ELP4: variants seen among roughly 807,000 people sequenced by gnomAD.
ELP4 encodes the protein elongator acetyltransferase complex subunit 4, also known as elongator complex protein 4.
Under a neutral mutation model 48.9 loss-of-function variants are expected in ELP4, and 51 were observed. The observed-to-expected ratio is 1.04, with a 90% CI of 0.83 to 1.32. The LOEUF (loss-of-function observed/expected upper bound fraction) is 1.32, where lower values mean the gene tolerates loss of function less well. ELP4 is among the 40% of genes most tolerant of loss of function. The probability of loss-of-function intolerance (pLI) is 0.00; values close to 1 mark genes in which losing one functional copy is unlikely to be tolerated. For synonymous variants in ELP4, 210 were observed against 189.2 expected (o/e 1.11, Z -0.90); for missense variants, 519 against 514.6 (o/e 1.01, Z -0.08).
At chr11:31,687,217 G>A (rs558947272) in intron 9 of ELP4, among the ~76,000 whole-genome samples, 3 of 152,282 alleles carry the variant, frequency 2.0e-5, no homozygotes, top group Admixed American at 2.0e-4. Context: ...ACATTTGGAT[G>A]TGTGAATTTG....
In ELP4 at chr11:31,786,823, G is replaced by C; in HGVS notation, c.*3299G>C. 4.6e-6 allele frequency: 1 copy of C among 217,596 alleles called. No homozygotes were observed. Among genetic ancestry groups the C allele is most frequent in the East Asian group, 6.8e-5 (1 of 14,698 alleles). 13.5% of individuals were successfully genotyped at this position (217,596 alleles called of 1,614,324 possible). On this transcript the variant is annotated 3_prime_UTR_variant, in exon 10 of 10. Coordinates refer to ENST00000640961, the MANE Select transcript of ELP4 (RefSeq NM_019040.5). ...TGCATTTTTTTACTTAGAGCAGTTT[G>C]AACGTTTATTACTTAAAACATTCAG...
rs1225136432 is a variant in ELP4, at chr11:31,784,355, TTAA to T, written c.*836_*838del. 6.6e-6 allele frequency: 1 copy of T among 152,180 alleles called. No homozygotes were observed. Among genetic ancestry groups the T allele is most frequent in the African/African-American group, 2.4e-5 (1 of 41,472 alleles). 9.4% of individuals were successfully genotyped at this position (152,180 alleles called of 1,614,324 possible). On this transcript the variant is annotated 3_prime_UTR_variant, in exon 10 of 10. Transcript: ENST00000640961. ...TCCATTGCATCACATAAATATTTTGTTAATAATGAACATTGGTTGAGTGTGTAA... is the reference window on the plus strand; with the variant it reads ...TCCATTGCATCACATAAATATTTTGTTAATGAACATTGGTTGAGTGTGTAA...
chr11:31,757,429 G>A (rs1218761318), intron 9 of ELP4, among the ~76,000 whole-genome samples: 2 of 151,670 alleles, frequency 1.3e-5, no homozygotes, highest in Non-Finnish European at 2.9e-5. Context: ...AGCAACAGTA[G>A]TACAAAGCAA....
intron 5 of ELP4, among the ~76,000 whole-genome samples, chr11:31,614,696 G>T (rs537426514): frequency 6.6e-6 from 1 of 152,058 alleles, no homozygotes; most frequent in Admixed American, 6.6e-5. Flanking sequence ...CAGATAATAC[G>T]CAATGAGAAC....
At chr11:31,778,180 T>G (rs1425869503) in intron 9 of ELP4, among the ~76,000 whole-genome samples, 1 of 152,224 alleles carries the variant, frequency 6.6e-6, no homozygotes, top group African/African-American at 2.4e-5. Flanking sequence ...CACCCTAAAT[T>G]GCCTCCTTAA....
At chr11:31,513,502 A>G (rs1956048630) in intron 1 of ELP4, among the ~76,000 whole-genome samples, 1 of 152,188 alleles carries the variant, frequency 6.6e-6, no homozygotes, top group Non-Finnish European at 1.5e-5. Context: ...ACTTTTTTGT[A>G]ATTTTAAGCA....
At chr11:31,567,198 G>T (rs1052162862) in intron 3 of ELP4, among the ~76,000 whole-genome samples, 1 of 152,066 alleles carries the variant, frequency 6.6e-6, no homozygotes, top group Non-Finnish European at 1.5e-5. Flanking sequence ...CTCCCAAAGT[G>T]CTGGGATTAC....
chr11:31,648,815 G>C (rs977815081), intron 8 of ELP4: 1 of 151,464 alleles, frequency 6.6e-6, no homozygotes, highest in Non-Finnish European at 1.5e-5. Context: ...TCTCTGAATT[G>C]ATAAATTATT....
chr11:31,684,873 G>A (rs1344976596), intron 9 of ELP4, among the ~76,000 whole-genome samples: 2 of 152,180 alleles, frequency 1.3e-5, no homozygotes, highest in Non-Finnish European at 2.9e-5. Flanking sequence ...TGTCTTCACA[G>A]GGAGTGTCTG....
At chr11:31,543,269 C>G (rs567285334) in intron 3 of ELP4, among the ~76,000 whole-genome samples, 1 of 152,054 alleles carries the variant, frequency 6.6e-6, no homozygotes, top group African/African-American at 2.4e-5. Flanking sequence ...AAATATGCCA[C>G]GATTCTGAGG....
Position 31,705,028 on chromosome 11 carries a change from T to G in ELP4, c.1143+54807T>G, listed in dbSNP as rs867560987. Among the ~76,000 whole-genome samples, 12 of 151,632 alleles carry G rather than the reference T, an allele frequency of 7.9e-5. No homozygotes were observed. The South Asian group carries it at 8.4e-4, about 11-fold the overall frequency. On this transcript the variant is annotated intron_variant, in intron 9 of 9. Transcript: ENST00000640961. ...CCATCTCAAAAAAAAAAAAAAATTA[T>G]ATAGTATATGACTTAAGGATTATTT... is the stretch of plus-strand genomic sequence containing the variant.
chr11:31,625,516 T>C (rs1035749911), intron 5 of ELP4, among the ~76,000 whole-genome samples: 2 of 151,806 alleles, frequency 1.3e-5, no homozygotes, highest in Non-Finnish European at 1.5e-5. Context: ...TGGGTGAAAC[T>C]GAAGGACATT....
intron 9 of ELP4, among the ~76,000 whole-genome samples, chr11:31,719,267 A>C (rs886684120): frequency 6.6e-6 from 1 of 152,082 alleles, no homozygotes; most frequent in Non-Finnish European, 1.5e-5. Flanking sequence ...AAAAGAAAAA[A>C]AAAAAAGAAA....
chr11:31,565,162 G>A (rs1373507456), intron 3 of ELP4, among the ~76,000 whole-genome samples: 1 of 152,148 alleles, frequency 6.6e-6, no homozygotes, highest in Non-Finnish European at 1.5e-5. Context: ...TCTGTTGGTT[G>A]CATAAATGTC....
intron 9 of ELP4, among the ~76,000 whole-genome samples, chr11:31,681,467 G>GA (rs1370190321): frequency 1.3e-5 from 2 of 152,166 alleles, no homozygotes; most frequent in African/African-American, 4.8e-5. Context: ...CCAGAAAAGT[G>GA]AATACAGTTG....
chr11:31,726,613 T>A (rs1313010316), intron 9 of ELP4, among the ~76,000 whole-genome samples: 2 of 152,082 alleles, frequency 1.3e-5, no homozygotes, highest in Non-Finnish European at 2.9e-5. Flanking sequence ...ACTTAAAATT[T>A]GTAAAGTAAC....
intron 2 of ELP4, among the ~76,000 whole-genome samples, chr11:31,522,392 A>G (rs1399874337): frequency 6.6e-6 from 1 of 152,188 alleles, no homozygotes; most frequent in Non-Finnish European, 1.5e-5. Context: ...CATGTAAGTA[A>G]TATACATGGG....
chr11:31,610,571 A>G (rs946372757), intron 5 of ELP4, among the ~76,000 whole-genome samples: 5 of 152,092 alleles, frequency 3.3e-5, no homozygotes, highest in Non-Finnish European at 7.4e-5. Context: ...ATGTGTACCA[A>G]TGTTTAACTC....
intron 9 of ELP4, among the ~76,000 whole-genome samples, chr11:31,677,643 T>TA (rs1406293342): frequency 1.3e-5 from 2 of 152,224 alleles, no homozygotes; most frequent in Admixed American, 6.5e-5. Context: ...CAATGTGATT[T>TA]AAAAAAACAA....
Sources: gnomAD v4.1 joint callset for allele counts (sites outside exome capture counted in the v4.1 genomes callset) on GRCh38, gnomAD v4.1.1 for gene constraint, MANE v1.5 for transcripts, NCBI Gene and HGNC (gene_info 2026-07-23, HGNC 2026-07-21) for gene names.